SRRM2: variants seen among roughly 807,000 people sequenced by gnomAD.
The protein encoded by SRRM2 is serine/arginine repetitive matrix 2.
Under a neutral mutation model 213.8 loss-of-function variants are expected in SRRM2, and 30 were observed. The observed-to-expected ratio is 0.14, with a 90% confidence interval of 0.10 to 0.19. The LOEUF (loss-of-function observed/expected upper bound fraction) is 0.19, where lower values mean the gene tolerates loss of function less well. Among genes scored for constraint, SRRM2 ranks in the 10% least tolerant of loss-of-function variants. SRRM2 has a pLI of 1.00. For synonymous variants in SRRM2, 2,025 were observed against 1,377.7 expected (o/e 1.47, Z -10.40); for missense variants, 4,904 against 3,647.0 (o/e 1.34, Z -8.88).
chr16:2,768,213 A>G lies in SRRM2; in HGVS notation c.7685A>G (p.Asp2562Gly). Residue 2562 changes from aspartate (D) to glycine (G), a missense_variant, in exon 11 of 15, where the codon GAC becomes GGC. Coordinates refer to ENST00000301740, the MANE Select transcript of SRRM2 (RefSeq NM_016333.4). ...TCCTCCTCTGGCTCCAGTTCTAGTG[A>G]CTCAGAGGGCTCTAGCCTTCCTGTG... Reference protein sequence around the residue: ...SSSSSGSSSSDSEGSSLPVQP... With the variant: ...SSSSSGSSSSGSEGSSLPVQP... The G allele has an allele frequency of 6.3e-7, 1 of 1,598,728 alleles. No individual in the cohort carries two copies. Among genetic ancestry groups the G allele is most frequent in the Non-Finnish European group, 8.5e-7 (1 of 1,172,092 alleles).
In SRRM2 at chr16:2,764,126, C is replaced by T. The variant is rs764401648; in HGVS notation, c.3598C>T (p.Leu1200=). ...AGTACAGGATAGGCCTGAGTCTTCA[C>T]TGGTATTCAAAGACACACTTAGAAC... is the stretch of plus-strand genomic sequence containing the variant. ...FPVQDRPESS[L]VFKDTLRTPP... Residue 1200 remains leucine (L), a synonymous_variant, in exon 11 of 15, where the codon CTG becomes TTG. Transcript: ENST00000301740. 8.7e-6 allele frequency: 14 copies of T among 1,614,048 alleles called. No individual in the cohort carries two copies. Among genetic ancestry groups the T allele is most frequent in the Non-Finnish European group, 1.1e-5 (13 of 1,180,044 alleles).
intron 10 of SRRM2, chr16:2,760,842 C>A: frequency 4.5e-6 from 1 of 220,308 alleles, no homozygotes; most frequent in Non-Finnish European, 9.2e-6. Flanking sequence ...CATGTCTCAC[C>A]AAAACTTTTT....
rs148192799 is a variant in SRRM2, at chr16:2,764,155, G to T, written c.3627G>T (p.Pro1209=). 6.2e-7 allele frequency: 1 copy of T among 1,614,034 alleles called. No homozygotes were observed. The highest frequency in any genetic ancestry group is 8.5e-7 in the Non-Finnish European group (1 of 1,180,036). The change falls in exon 11 of 15, where the codon CCG becomes CCT. Residue 1209 remains proline (P), a synonymous_variant. Coordinates refer to ENST00000301740, the MANE Select transcript of SRRM2 (RefSeq NM_016333.4). ...SLVFKDTLRT[P]PRERSGAGSS... is the part of the protein sequence containing the mutation. Reference sequence around the variant, plus strand: ...TATTCAAAGACACACTTAGAACCCCGCCAAGGGAAAGAAGTGGTGCTGGGT... The same window carrying T: ...TATTCAAAGACACACTTAGAACCCCTCCAAGGGAAAGAAGTGGTGCTGGGT...
rs780854819 is a variant in SRRM2 at position 2,762,498 on chromosome 16, G to A, written c.1970G>A (p.Arg657His). 15 of 1,613,406 alleles carry A rather than the reference G, an allele frequency of 9.3e-6. No homozygotes were observed. In the East Asian group the frequency reaches 1.1e-4, roughly 12 times the overall value. Residue 657 changes from arginine to histidine, a missense_variant, in exon 11 of 15, where the codon CGC becomes CAC. Coordinates refer to ENST00000301740, the MANE Select transcript of SRRM2 (RefSeq NM_016333.4). ...SRSRTPARRG[R>H]SRSRTPARRG... The stretch of plus-strand genomic sequence containing the variant: ...TCTAGAACCCCAGCTAGACGTGGCC[G>A]CTCACGCTCCAGAACCCCAGCCAGA...
chr16:2,770,104 C>A, intron 12 of SRRM2: 2 of 1,394,372 alleles, frequency 1.4e-6, no homozygotes, highest in Non-Finnish European at 1.9e-6. Flanking sequence ...TGCCTTTCTT[C>A]ACCACTGAGC....
chr16:2,770,762 T>TG (rs1464445539), intron 14 of SRRM2, 45 bp downstream of exon 14: 3 of 1,599,308 alleles, frequency 1.9e-6, no homozygotes, highest in Non-Finnish European at 2.6e-6. Flanking sequence ...GAGCCAGTTG[T>TG]GGTGGTGGGT....
chr16:2,765,376 T>A lies in SRRM2; in HGVS notation c.4848T>A (p.Ser1616Arg), dbSNP rs776031031. 10 of 1,613,784 alleles carry A rather than the reference T, an allele frequency of 6.2e-6. No individual in the cohort carries two copies. In the African/African-American group the frequency reaches 1.3e-4, roughly 22 times the overall value. Residue 1616 changes from serine to arginine, a missense_variant, in exon 11 of 15, where the codon AGT (serine) becomes AGA (arginine). Ser to Arg is a moderately radical substitution (Grantham distance 110, BLOSUM62 -1). Transcript: ENST00000301740. Reference sequence around the variant, plus strand: ...CAAGAGCAGCACCCAGGGCACAGAGTGGTTCTGATTCCTCTCCTGAACCTA... The same window carrying A: ...CAAGAGCAGCACCCAGGGCACAGAGAGGTTCTGATTCCTCTCCTGAACCTA... ...DKPRAAPRAQ[S>R]GSDSSPEPKA...
Position 2,756,342 on chromosome 16 carries a change from G to T in SRRM2, c.-23G>T, listed in dbSNP as rs1391466858. 1 of 1,580,644 alleles carries T rather than the reference G, an allele frequency of 6.3e-7. No individual in the cohort carries two copies. Among genetic ancestry groups the T allele is most frequent in the Non-Finnish European group, 8.6e-7 (1 of 1,167,580 alleles). On this transcript the variant is annotated 5_prime_UTR_variant, in exon 2 of 15. Transcript: ENST00000301740. ...TCCCCGCTCCCCCTCAGGAGCGGTG[G>T]TGCCCCCCCCGGGCACGGGGCCATG...
At position 2,762,603 on chromosome 16, in the gene SRRM2, C is replaced by G. The variant is rs1039789561; in HGVS notation, c.2075C>G (p.Ser692Cys). ...AGAACACCAGCCAGGAGAGGGAGGT[C>G]TCGGTCTAGGACACCAAGACGAGGA... ...RSRTPARRGR[S>C]RSRTPRRGRS... is the part of the protein sequence containing the mutation. The change falls in exon 11 of 15, where the codon TCT (serine) becomes TGT (cysteine). Residue 692 changes from serine to cysteine, a missense_variant. Transcript: ENST00000301740. 3 of 1,613,998 alleles carry G rather than the reference C, an allele frequency of 1.9e-6. No individual in the cohort carries two copies. Among genetic ancestry groups the G allele is most frequent in the African/African-American group, 2.7e-5 (2 of 74,888 alleles).
In SRRM2 at chr16:2,765,357, C is replaced by T; in HGVS notation, c.4829C>T (p.Ala1610Val). ...SSPEVKDKPR[A>V]APRAQSGSDS... ...CCTGAAGTGAAAGATAAGCCAAGAG[C>T]AGCACCCAGGGCACAGAGTGGTTCT... Residue 1610 changes from alanine to valine, a missense_variant, in exon 11 of 15, where the codon GCA becomes GTA. Physicochemically the swap from Ala to Val is moderately conservative, Grantham distance 64 (BLOSUM62 0). Transcript: ENST00000301740. The T allele has an allele frequency of 1.2e-6, 2 of 1,614,168 alleles. No homozygotes were observed. Among genetic ancestry groups the T allele is most frequent in the East Asian group, 2.2e-5 (1 of 44,878 alleles).
Position 2,754,513 on chromosome 16 carries a change from A to G in SRRM2, c.-32+1667A>G, listed in dbSNP as rs141761837. 3.3e-5 allele frequency among the ~76,000 whole-genome samples: 5 copies of G among 152,204 alleles called. 1 individual carries two copies. The South Asian group carries it at 6.2e-4, about 19-fold the overall frequency. On this transcript the variant is annotated intron_variant, in intron 1 of 14. Transcript: ENST00000301740. ...CACCGTGTTGGCCAGGCTGGTGTCA[A>G]TCTCCTGATCTGGTGATCCGCCCAC... is the stretch of plus-strand genomic sequence containing the variant.
Position 2,771,400 on chromosome 16 carries a change from A to G in SRRM2, c.*533A>G. On this transcript the variant is annotated 3_prime_UTR_variant, in exon 15 of 15. Coordinates refer to ENST00000301740, the MANE Select transcript of SRRM2 (RefSeq NM_016333.4). ...CAACTTTTTCTGTCAAATAAAAATG[A>G]GAAATGCAGGAACTGGGTCTGTAGA... The G allele has an allele frequency of 6.2e-7, 1 of 1,610,018 alleles. No individual in the cohort carries two copies. Among genetic ancestry groups the G allele is most frequent in the Non-Finnish European group, 8.5e-7 (1 of 1,176,556 alleles).
rs1199295504 is a variant in SRRM2 at position 2,763,734 on chromosome 16, C to A, written c.3206C>A (p.Ser1069Tyr). ...GQSQTSPDHR[S>Y]DTSSPEVRQS... is the part of the protein sequence containing the mutation. ...TCTCAAACTTCACCAGACCACAGAT[C>A]TGATACTTCAAGTCCAGAAGTGAGA... is the stretch of plus-strand genomic sequence containing the variant. The change falls in exon 11 of 15, where the codon TCT becomes TAT. Residue 1069 changes from serine to tyrosine, a missense_variant. Transcript: ENST00000301740. The A allele has an allele frequency of 1.2e-6, 2 of 1,614,182 alleles. No homozygotes were observed. Among genetic ancestry groups the A allele is most frequent in the Middle Eastern group, 1.6e-4 (1 of 6,062 alleles).
In SRRM2 at chr16:2,756,499, G is replaced by C. The variant is rs540004411; in HGVS notation, c.135G>C (p.Leu45=). The change falls in exon 2 of 15, where the codon CTG becomes CTC. Residue 45 remains leucine (L), a synonymous_variant. Transcript: ENST00000301740. ...DYKGEEELRR[L]EAALVKRPNP... is the part of the protein sequence containing the mutation. The stretch of plus-strand genomic sequence containing the variant: ...AGGGAGAGGAGGAACTGCGGCGCCT[G>C]GAGGCTGCCCTGGTGAAGCGGCCTA... 1 of 1,614,040 alleles carries C rather than the reference G, an allele frequency of 6.2e-7. No homozygotes were observed. Among genetic ancestry groups the C allele is most frequent in the African/African-American group, 1.3e-5 (1 of 75,050 alleles).
At position 2,769,119 on chromosome 16, in the gene SRRM2, C is replaced by T. The variant is rs1201816856; in HGVS notation, c.7856C>T (p.Ser2619Phe). Residue 2619 changes from serine (S) to phenylalanine (F), a missense_variant, in exon 12 of 15, where the codon TCC (serine) becomes TTC (phenylalanine). Physicochemically the swap from Ser to Phe is radical, Grantham distance 155. Transcript: ENST00000301740. The stretch of plus-strand genomic sequence containing the variant: ...AGTTCCAGCTCCTCCTCTTCATCTT[C>T]CTCCTCCTCCTCCTCCTCCTCTTCT... ...SSSSSSSSSS[S>F]SSSSSSSSSS... is the part of the protein sequence containing the mutation. The T allele has an allele frequency of 1.8e-5, 28 of 1,575,476 alleles. No individual in the cohort carries two copies. Among genetic ancestry groups the T allele is most frequent in the South Asian group, 6.7e-5 (6 of 89,386 alleles).
chr16:2,767,406 C>T lies in SRRM2; in HGVS notation c.6878C>T (p.Pro2293Leu). The change falls in exon 11 of 15, where the codon CCA becomes CTA. Residue 2293 changes from proline to leucine, a missense_variant. By Grantham distance (98) the Pro-to-Leu change is moderately conservative. Transcript: ENST00000301740. ...GCTGACCCTCGCACTCCCACAGCCC[C>T]AGCTGTGAACCTAGCAGGGGCCAGA... is the stretch of plus-strand genomic sequence containing the variant. ...NLADPRTPTA[P>L]AVNLAGARTP... The T allele has an allele frequency of 6.2e-7, 1 of 1,614,054 alleles. No individual in the cohort carries two copies. Among genetic ancestry groups the T allele is most frequent in the East Asian group, 2.2e-5 (1 of 44,872 alleles).
rs181975853 is a variant in SRRM2, at chr16:2,761,281, A to G, written c.1033-280A>G. Reference sequence around the variant, plus strand: ...TTCCATTTAAAGATAGTTTTTTTCCATTCTTATAACATTTTGTAGTGGTAT... The same window carrying G: ...TTCCATTTAAAGATAGTTTTTTTCCGTTCTTATAACATTTTGTAGTGGTAT... On this transcript the variant is annotated intron_variant, in intron 10 of 14. Transcript: ENST00000301740. 4.8e-3 allele frequency among the ~76,000 whole-genome samples: 733 copies of G among 152,212 alleles called. 2 individuals are homozygous for G. Among genetic ancestry groups the G allele is most frequent in the Admixed American group, 6.9e-3 (106 of 15,300 alleles).
rs1192167609 is a variant in SRRM2, at chr16:2,767,480, C to T, written c.6952C>T (p.Pro2318Ser). ...GAGTCTCACAGGCTCTGGCACACCA[C>T]CAACTGCTGCAAACTATCCCTCCAG... ...ALSLTGSGTP[P>S]TAANYPSSSR... is the part of the protein sequence containing the mutation. The change falls in exon 11 of 15, where the codon CCA becomes TCA. Residue 2318 changes from proline to serine, a missense_variant. Transcript: ENST00000301740. 1.9e-6 allele frequency: 3 copies of T among 1,614,206 alleles called. No homozygotes were observed. Among genetic ancestry groups the T allele is most frequent in the Non-Finnish European group, 2.5e-6 (3 of 1,180,018 alleles).
In SRRM2 at chr16:2,761,819, T is replaced by G. The variant is rs1037996065; in HGVS notation, c.1291T>G (p.Ser431Ala). 4 of 1,613,880 alleles carry G rather than the reference T, an allele frequency of 2.5e-6. No individual in the cohort carries two copies. The highest frequency in any genetic ancestry group is 3.4e-6 in the Non-Finnish European group (4 of 1,180,002). Reference protein sequence around the residue: ...SPPSPQPTKVSRHASSSPESP... With the variant: ...SPPSPQPTKVARHASSSPESP... ...ACCATCCCCTCAACCTACCAAAGTTTCTCGGCATGCCAGCTCTTCCCCAGA... is the reference window on the plus strand; with the variant it reads ...ACCATCCCCTCAACCTACCAAAGTTGCTCGGCATGCCAGCTCTTCCCCAGA... Residue 431 changes from serine (S) to alanine (A), a missense_variant, in exon 11 of 15, where the codon TCT becomes GCT. By Grantham distance (99) the Ser-to-Ala change is moderately conservative (BLOSUM62 1). Coordinates refer to ENST00000301740, the MANE Select transcript of SRRM2 (RefSeq NM_016333.4).
Sources: allele counts gnomAD v4.1 joint callset (sites outside exome capture counted in the v4.1 genomes callset), GRCh38; gene constraint gnomAD v4.1.1; transcripts MANE v1.5; gene names NCBI Gene and HGNC (gene_info 2026-07-23, HGNC 2026-07-21).